DCLK2: variants seen among roughly 807,000 people sequenced by gnomAD.
The protein encoded by DCLK2 is doublecortin like kinase 2, also known as serine/threonine-protein kinase DCLK2.
A neutral mutation model predicts 78.4 loss-of-function variants in DCLK2; 31 were observed. That is an observed-to-expected ratio of 0.40 (90% CI 0.30 to 0.53). The LOEUF (loss-of-function observed/expected upper bound fraction) is 0.53, where lower values mean the gene tolerates loss of function less well. Ranked by LOEUF, DCLK2 falls within the 20% of genes least tolerant of loss-of-function variation. The probability of loss-of-function intolerance (pLI) is 0.61; values close to 1 mark genes in which losing one functional copy is unlikely to be tolerated. For missense variants in DCLK2, 872 were observed against 973.7 expected (o/e 0.90, Z 1.39); for synonymous variants, 407 against 374.9 (o/e 1.09, Z -0.99).
chr4:150,091,480 T>A (rs1362657412), intron 1 of DCLK2, among the ~76,000 whole-genome samples: 1 of 152,152 alleles, frequency 6.6e-6, no homozygotes, highest in Non-Finnish European at 1.5e-5. Flanking sequence ...CACTTTAGAT[T>A]TGTAAATAAG....
intron 2 of DCLK2, among the ~76,000 whole-genome samples, chr4:150,107,299 T>C (rs1211457021): frequency 6.6e-6 from 1 of 152,134 alleles, no homozygotes; most frequent in Non-Finnish European, 1.5e-5. Flanking sequence ...TGATAGTCTC[T>C]CTGTCTATTT....
At position 150,198,012 on chromosome 4, in the gene DCLK2, C is replaced by G. The variant is rs748130958; in HGVS notation, c.870C>G (p.Val290=). The G allele has an allele frequency of 4.3e-6, 7 of 1,612,966 alleles. No homozygotes were observed. The East Asian group carries it at 1.6e-4, about 36-fold the overall frequency. ...TTTGTTCTTTTCTAGAATGTCGTGT[C>G]CTGAAGTCATCTTATTCTCGATCCT... ...DFVLDHSECR[V]LKSSYSRSSA... Residue 290 remains valine, a synonymous_variant, in exon 4 of 16, where the codon GTC becomes GTG. Transcript: ENST00000296550.
intron 2 of DCLK2, among the ~76,000 whole-genome samples, chr4:150,186,639 G>A (rs759248085): frequency 3.3e-5 from 5 of 152,190 alleles, no homozygotes; most frequent in Admixed American, 6.5e-5. Context: ...CTTGGTGAGA[G>A]TTACTTTACT....
intron 2 of DCLK2, among the ~76,000 whole-genome samples, chr4:150,159,023 A>G (rs1735519082): frequency 6.6e-6 from 1 of 152,190 alleles, no homozygotes; most frequent in South Asian, 2.1e-4. Flanking sequence ...ATGTGGAGCC[A>G]GTTTCTGAAG....
chr4:150,143,085 C>T (rs1026419295), intron 2 of DCLK2, among the ~76,000 whole-genome samples: 1 of 152,164 alleles, frequency 6.6e-6, no homozygotes, highest in Admixed American at 6.6e-5. Flanking sequence ...GCCTCCAGCT[C>T]TATCCATGTG....
chr4:150,086,182 TG>T (rs1729623517), intron 1 of DCLK2, among the ~76,000 whole-genome samples: 2 of 152,344 alleles, frequency 1.3e-5, no homozygotes, highest in South Asian at 4.1e-4. Context: ...TGGCACGTGG[TG>T]TTTTTTTAAT....
intron 2 of DCLK2, among the ~76,000 whole-genome samples, chr4:150,183,984 T>G (rs1737719661): frequency 6.6e-6 from 1 of 152,190 alleles, no homozygotes; most frequent in South Asian, 2.1e-4. Context: ...TCTGCCTGCC[T>G]TGGCCTCCCT....
chr4:150,186,688 T>C (rs1410782429), intron 2 of DCLK2, among the ~76,000 whole-genome samples: 1 of 152,214 alleles, frequency 6.6e-6, no homozygotes, highest in Non-Finnish European at 1.5e-5. Context: ...ATGTTCTACA[T>C]TAAAAAGTAT....
At chr4:150,150,583 A>T (rs1734814467) in intron 2 of DCLK2, among the ~76,000 whole-genome samples, 1 of 152,326 alleles carries the variant, frequency 6.6e-6, no homozygotes, top group African/African-American at 2.4e-5. Context: ...TTATTTTTTT[A>T]AAAATTCAGA....
At chr4:150,255,143 A>G (rs1290058706) in intron 15 of DCLK2, among the ~76,000 whole-genome samples, 1 of 152,200 alleles carries the variant, frequency 6.6e-6, no homozygotes, top group East Asian at 1.9e-4. Flanking sequence ...TAAAGTACTG[A>G]AAGAATCTTT....
intron 2 of DCLK2, among the ~76,000 whole-genome samples, chr4:150,166,462 C>T (rs1390233780): frequency 6.6e-6 from 1 of 152,052 alleles, no homozygotes; most frequent in African/African-American, 2.4e-5. Flanking sequence ...ACACTGCACT[C>T]CAGCCTGAGT....
Position 150,220,791 on chromosome 4 carries a change from C to A in DCLK2, c.1132+13C>A. The stretch of plus-strand genomic sequence containing the variant: ...ATAAGTCCTGAAGGTAGTTCTCAGT[C>A]TGATCATTACTTTGATAAAGGAAAT... On this transcript the variant is annotated intron_variant, in intron 6 of 15. Transcript: ENST00000296550. 1 of 1,604,502 alleles carries A rather than the reference C, an allele frequency of 6.2e-7. No homozygotes were observed. Among genetic ancestry groups the A allele is most frequent in the Non-Finnish European group, 8.5e-7 (1 of 1,172,412 alleles).
At chr4:150,212,122 C>G (rs1276258150) in intron 5 of DCLK2, among the ~76,000 whole-genome samples, 1 of 152,138 alleles carries the variant, frequency 6.6e-6, no homozygotes, top group African/African-American at 2.4e-5. Context: ...AAGTGTATGC[C>G]TGGAGGCTCT....
chr4:150,117,369 C>G (rs1732170850), intron 2 of DCLK2, among the ~76,000 whole-genome samples: 1 of 152,138 alleles, frequency 6.6e-6, no homozygotes, highest in African/African-American at 2.4e-5. Flanking sequence ...AGGCCATAAG[C>G]CTTCCTTGAG....
At chr4:150,118,939 C>A (rs1251147236) in intron 2 of DCLK2, among the ~76,000 whole-genome samples, 1 of 152,028 alleles carries the variant, frequency 6.6e-6, no homozygotes, top group Non-Finnish European at 1.5e-5. Context: ...GCAGGAGAAT[C>A]ACTTGAACCC....
chr4:150,219,838 A>T (rs1178290493), intron 5 of DCLK2, among the ~76,000 whole-genome samples: 1 of 152,248 alleles, frequency 6.6e-6, no homozygotes, highest in East Asian at 1.9e-4. Flanking sequence ...GGTGGGAAAC[A>T]CATTAGACAA....
intron 1 of DCLK2, among the ~76,000 whole-genome samples, chr4:150,089,067 G>A (rs927788483): frequency 1.2e-4 from 17 of 136,634 alleles, no homozygotes; most frequent in African/African-American, 4.6e-4. Context: ...TACTCATAGG[G>A]TAATGCAGAT....
At position 150,248,351 on chromosome 4, in the gene DCLK2, C is replaced by T; in HGVS notation, c.1922C>T (p.Thr641Ile). ...MLQVNVEARC[T>I]AGQILSHPWV... is the part of the protein sequence containing the mutation. ...CAGGTAAATGTTGAAGCTCGGTGTA[C>T]CGCGGGACAAATCCTGAGTCACCCC... Residue 641 changes from threonine (T) to isoleucine (I), a missense_variant, in exon 14 of 16, where the codon ACC (threonine) becomes ATC (isoleucine). Around this residue, in one of 3 missense-constraint regions of DCLK2, gnomAD observed 219 missense variants for 230.1 expected, o/e 0.95. Coordinates refer to ENST00000296550, the MANE Select transcript of DCLK2 (RefSeq NM_001040260.4). 2 of 1,613,952 alleles carry T rather than the reference C, an allele frequency of 1.2e-6. No homozygotes were observed. Among genetic ancestry groups the T allele is most frequent in the Non-Finnish European group, 1.7e-6 (2 of 1,180,008 alleles).
intron 15 of DCLK2, among the ~76,000 whole-genome samples, chr4:150,252,428 C>T (rs925417236): frequency 2.6e-5 from 4 of 152,170 alleles, no homozygotes; most frequent in South Asian, 2.1e-4. Flanking sequence ...AGAGTTTGCT[C>T]GGAGACTGTG....
Sources: gnomAD v4.1 joint callset for allele counts (sites outside exome capture counted in the v4.1 genomes callset) on GRCh38, gnomAD v4.1.1 for gene constraint, gnomAD v4.1.1 regional missense constraint, MANE v1.5 for transcripts, NCBI Gene and HGNC (gene_info 2026-07-23, HGNC 2026-07-21) for gene names.